The following SLC1A1 variants were observed in gnomAD, a reference collection of about 807,000 sequenced individuals.
The protein encoded by SLC1A1 is solute carrier family 1 member 1, also known as excitatory amino acid transporter 3.
In SLC1A1, 43 loss-of-function variants were observed where a neutral mutation model predicts 53.3. That is an observed-to-expected ratio of 0.81 (90% CI 0.63 to 1.04). SLC1A1 has a LOEUF of 1.04. SLC1A1 is among the 50% of genes least tolerant of loss of function. The probability of loss-of-function intolerance (pLI) is 0.00; values close to 1 mark genes in which losing one functional copy is unlikely to be tolerated. For synonymous variants in SLC1A1, 307 were observed against 243.2 expected, an observed-to-expected ratio of 1.26 and a Z score of -2.44; for missense variants, 748 against 664.9, an observed-to-expected ratio of 1.12 and a Z score of -1.37.
At chr9:4,543,329 C>A (rs866066038) in intron 1 of SLC1A1, among the ~76,000 whole-genome samples, 2 of 151,930 alleles carry the variant, frequency 1.3e-5, no homozygotes, top group African/African-American at 4.8e-5. Flanking sequence ...CCAACAGAGG[C>A]CGATGAAGGA....
chr9:4,567,897 G>A, intron 6 of SLC1A1, 130 bp downstream of exon 6: 3 of 723,228 alleles, frequency 4.1e-6, no homozygotes, highest in Non-Finnish European at 5.1e-6. Flanking sequence ...TAAAATTTAT[G>A]TGTGACCCCA....
rs572245978 is a variant in SLC1A1 at position 4,587,293 on chromosome 9, G to A, written c.*1735G>A. 6.6e-6 allele frequency: 1 copy of A among 152,176 alleles called. No homozygotes were observed. The highest frequency in any genetic ancestry group is 1.5e-5 in the Non-Finnish European group (1 of 68,028). The allele number at this position is 152,176 out of a possible 1,614,324, so 9.4% of individuals were successfully genotyped here. A position where few individuals can be genotyped will look rare whatever the true frequency, so the allele number is the denominator to read the frequency against. On this transcript the variant is annotated 3_prime_UTR_variant, in exon 12 of 12. Transcript: ENST00000262352. ...ATCAGTAATTTATCTTGGGCTAAAT[G>A]GTTCTACCCCTTACTAGGTTGCCCC...
At chr9:4,506,244 A>G (rs1032174577) in intron 1 of SLC1A1, among the ~76,000 whole-genome samples, 2 of 152,262 alleles carry the variant, frequency 1.3e-5, no homozygotes, top group Non-Finnish European at 2.9e-5. Flanking sequence ...GGCATGAGCC[A>G]TCATGCCCGG....
chr9:4,500,489 T>G (rs1820595867), intron 1 of SLC1A1, among the ~76,000 whole-genome samples: 1 of 152,158 alleles, frequency 6.6e-6, no homozygotes, highest in South Asian at 2.1e-4. Flanking sequence ...TTCTATATGT[T>G]TAGTAGAGAC....
intron 1 of SLC1A1, among the ~76,000 whole-genome samples, chr9:4,519,427 G>C (rs1162964989): frequency 6.6e-6 from 1 of 152,176 alleles, no homozygotes; most frequent in African/African-American, 2.4e-5. Context: ...AGGTAAGTAT[G>C]CATGTGGTAG....
chr9:4,492,972 G>C (rs932643213), intron 1 of SLC1A1, among the ~76,000 whole-genome samples: 1 of 152,146 alleles, frequency 6.6e-6, no homozygotes, highest in South Asian at 2.1e-4. Flanking sequence ...GACTGGTTTG[G>C]AGAAGGTTTT....
chr9:4,558,168 AG>A (rs2129642254), intron 2 of SLC1A1, among the ~76,000 whole-genome samples: 1 of 152,298 alleles, frequency 6.6e-6, no homozygotes, highest in Non-Finnish European at 1.5e-5. Flanking sequence ...CTATTTATAG[AG>A]GTTTTCAAAG....
chr9:4,541,259 A>T (rs1816980169), intron 1 of SLC1A1, among the ~76,000 whole-genome samples: 1 of 152,222 alleles, frequency 6.6e-6, no homozygotes, highest in Admixed American at 6.5e-5. Context: ...GGGAATAGCC[A>T]TCCAAGAATC....
chr9:4,519,084 G>A (rs72687870), intron 1 of SLC1A1, among the ~76,000 whole-genome samples: 5,121 of 152,224 alleles, frequency 0.034, 146 homozygotes, highest in South Asian at 0.057. Flanking sequence ...TTAGTTTGCA[G>A]GACTGTTTAT....
At chr9:4,573,166 C>T (rs1820218270) in intron 7 of SLC1A1, among the ~76,000 whole-genome samples, 1 of 152,174 alleles carries the variant, frequency 6.6e-6, no homozygotes. Flanking sequence ...CAGTGTCTGT[C>T]CTCTCCCTGA....
At chr9:4,535,215 A>C (rs149877847) in intron 1 of SLC1A1, among the ~76,000 whole-genome samples, 20,117 of 152,194 alleles carry the variant, frequency 0.13, 1,544 homozygotes, top group African/African-American at 0.19. Flanking sequence ...CAGGGCAATC[A>C]GGCTGGAGAA....
Position 4,537,842 on chromosome 9 carries a change from A to G in SLC1A1, c.92-6725A>G, listed in dbSNP as rs139427015. Among the ~76,000 whole-genome samples, 302 of 152,234 alleles carry G rather than the reference A, an allele frequency of 2.0e-3. 3 individuals are homozygous for G. The highest frequency in any genetic ancestry group is 6.6e-3 in the African/African-American group (275 of 41,540). On this transcript the variant is annotated intron_variant, in intron 1 of 11. Transcript: ENST00000262352. ...GGTAATGGAAATACTGGAACTAGAC[A>G]TTGGTGACAGTTGTACAACATTGTA... is the stretch of plus-strand genomic sequence containing the variant.
intron 2 of SLC1A1, among the ~76,000 whole-genome samples, chr9:4,554,672 G>A (rs1459426512): frequency 6.6e-6 from 1 of 152,218 alleles, no homozygotes; most frequent in Non-Finnish European, 1.5e-5. Context: ...AGGGGCTGGA[G>A]AGGCAGGCAG....
In SLC1A1 at chr9:4,490,779, C is replaced by A. The variant is rs759972707; in HGVS notation, c.91+9C>A. On this transcript the variant is annotated intron_variant, in intron 1 of 11. Coordinates refer to ENST00000262352, the MANE Select transcript of SLC1A1 (RefSeq NM_004170.6). ...GGCCGCGGTGGTGCTAGGTGAGCGG[C>A]GCGGCGGGTGGGCGATGCGCGCACC... 15 of 1,608,912 alleles carry A rather than the reference C, an allele frequency of 9.3e-6. No homozygotes were observed. The highest frequency in any genetic ancestry group is 1.3e-5 in the Non-Finnish European group (15 of 1,176,268).
At chr9:4,534,943 C>T (rs1816618006) in intron 1 of SLC1A1, among the ~76,000 whole-genome samples, 1 of 152,002 alleles carries the variant, frequency 6.6e-6, no homozygotes, top group African/African-American at 2.4e-5. Context: ...ATAAACAGAA[C>T]CAACAACAAA....
At chr9:4,568,418 A>C (rs1351268000) in intron 6 of SLC1A1, among the ~76,000 whole-genome samples, 2 of 134,120 alleles carry the variant, frequency 1.5e-5, no homozygotes, top group East Asian at 4.1e-4. Flanking sequence ...ACCCTGTCTC[A>C]AAAAAAAAAA....
intron 1 of SLC1A1, among the ~76,000 whole-genome samples, chr9:4,529,754 T>C (rs1358341097): frequency 6.6e-6 from 1 of 152,102 alleles, no homozygotes; most frequent in Non-Finnish European, 1.5e-5. Flanking sequence ...GATCTCAAAT[T>C]CCTGGGCTCC....
chr9:4,572,085 C>A (rs374615500), intron 6 of SLC1A1, 119 bp from the exon 7 acceptor site: 1 of 867,148 alleles, frequency 1.2e-6, no homozygotes, highest in Non-Finnish European at 2.0e-6. Flanking sequence ...TTTGTTGACT[C>A]TGCCTGGGAG....
At chr9:4,551,771 G>A (rs552132860) in intron 2 of SLC1A1, among the ~76,000 whole-genome samples, 53 of 152,318 alleles carry the variant, frequency 3.5e-4, no homozygotes, top group African/African-American at 1.3e-3. Flanking sequence ...TCTGGAACCA[G>A]TGGGCTCTTC....
Sources: gnomAD v4.1 joint callset for allele counts (sites outside exome capture counted in the v4.1 genomes callset) on GRCh38, gnomAD v4.1.1 for gene constraint, MANE v1.5 for transcripts, NCBI Gene and HGNC (gene_info 2026-07-23, HGNC 2026-07-21) for gene names.